The following SLC39A12 variants were observed in gnomAD, a reference collection of about 807,000 sequenced individuals.
SLC39A12 encodes solute carrier family 39 member 12.
Under a neutral mutation model 71.1 loss-of-function variants are expected in SLC39A12, and 63 were observed. That is an observed-to-expected ratio of 0.89 (90% CI 0.72 to 1.09). The LOEUF (loss-of-function observed/expected upper bound fraction) is 1.09. SLC39A12 is among the 50% of genes least tolerant of loss of function. The pLI is 0.00. For synonymous variants in SLC39A12, 351 were observed against 301.3 expected (o/e 1.16, Z -1.71); for missense variants, 892 against 812.6 (o/e 1.10, Z -1.19).
intron 2 of SLC39A12, among the ~76,000 whole-genome samples, chr10:17,959,848 G>A (rs1254522807): frequency 6.6e-6 from 1 of 152,144 alleles, no homozygotes; most frequent in African/African-American, 2.4e-5. Flanking sequence ...AAACAAATAA[G>A]GCAGCACAGT....
At chr10:17,952,351 T>C (rs1554847208) in intron 1 of SLC39A12, among the ~76,000 whole-genome samples, 1 of 152,188 alleles carries the variant, frequency 6.6e-6, no homozygotes, top group African/African-American at 2.4e-5. Context: ...GTCTCGAAAT[T>C]CTGTTTTTCT....
At chr10:17,988,856 C>T (rs1314681376) in intron 7 of SLC39A12, among the ~76,000 whole-genome samples, 1 of 152,220 alleles carries the variant, frequency 6.6e-6, no homozygotes, top group African/African-American at 2.4e-5. Flanking sequence ...TCCCTTTCAC[C>T]CCTAAGGTTG....
At chr10:18,005,672 C>T (rs1351486845) in intron 12 of SLC39A12, 1 of 152,152 alleles carries the variant, frequency 6.6e-6, no homozygotes, top group Non-Finnish European at 1.5e-5. Flanking sequence ...CATGCAGAAC[C>T]CTAAGCTAAG....
intron 12 of SLC39A12, among the ~76,000 whole-genome samples, chr10:18,009,937 A>G (rs1199375507): frequency 2.0e-5 from 3 of 152,236 alleles, no homozygotes; most frequent in Non-Finnish European, 4.4e-5. Flanking sequence ...CTTCAAGAAC[A>G]TGAATTGGGT....
At chr10:18,008,540 T>G (rs959780451) in intron 12 of SLC39A12, 1 of 152,154 alleles carries the variant, frequency 6.6e-6, no homozygotes, top group Admixed American at 6.6e-5. Context: ...CCTGAAACTA[T>G]CACCCTCACC....
intron 12 of SLC39A12, among the ~76,000 whole-genome samples, chr10:18,011,714 A>C (rs574102588): frequency 4.2e-4 from 64 of 152,364 alleles, no homozygotes; most frequent in African/African-American, 1.5e-3. Flanking sequence ...AGAATTGTTA[A>C]ATACAAGTTT....
At chr10:18,039,655 G>A (rs750780119) in intron 12 of SLC39A12, among the ~76,000 whole-genome samples, 1 of 152,102 alleles carries the variant, frequency 6.6e-6, no homozygotes, top group Non-Finnish European at 1.5e-5. Context: ...TTGAGCCCAG[G>A]AGTTCACGGC....
intron 4 of SLC39A12, among the ~76,000 whole-genome samples, chr10:17,968,033 C>G (rs998003844): frequency 6.6e-6 from 1 of 150,992 alleles, no homozygotes; most frequent in Non-Finnish European, 1.5e-5. Flanking sequence ...TTTCATCTAT[C>G]TTCTAGCTGA....
chr10:18,037,190 G>T (rs1837076836), intron 12 of SLC39A12, among the ~76,000 whole-genome samples: 1 of 151,948 alleles, frequency 6.6e-6, no homozygotes, highest in African/African-American at 2.4e-5. Context: ...TTTTCTGTTG[G>T]TGTGTTTGCT....
At position 17,961,652 on chromosome 10, in the gene SLC39A12, C is replaced by A; in HGVS notation, c.333C>A (p.Val111=). Residue 111 remains valine, a synonymous_variant, in exon 3 of 13, where the codon GTC becomes GTA. Transcript: ENST00000377369. ...AAGATCAGCTTAGAGAAGAAGTGGT[C>A]CAGAGAGTTTCTCTTCTCCTTCTCT... The part of the protein sequence containing the change: ...NFEDQLREEV[V]QRVSLLLLYY... The A allele has an allele frequency of 6.2e-7, 1 of 1,613,884 alleles. No homozygotes were observed. Among genetic ancestry groups the A allele is most frequent in the South Asian group, 1.1e-5 (1 of 91,054 alleles).
chr10:17,979,655 G>A (rs897920813), intron 5 of SLC39A12, among the ~76,000 whole-genome samples: 1 of 152,150 alleles, frequency 6.6e-6, no homozygotes, highest in African/African-American at 2.4e-5. Context: ...AGCTTTCTGT[G>A]GATGCTTTCT....
At chr10:17,955,195 A>G (rs1834509939) in intron 2 of SLC39A12, among the ~76,000 whole-genome samples, 1 of 152,136 alleles carries the variant, frequency 6.6e-6, no homozygotes, top group Non-Finnish European at 1.5e-5. Flanking sequence ...CTCCATTTTC[A>G]GGGCTGGGGG....
chr10:17,981,273 T>C (rs1343823198), intron 5 of SLC39A12, 39 bp from the exon 6 acceptor site: 21 of 1,538,552 alleles, frequency 1.4e-5, no homozygotes, highest in Non-Finnish European at 1.8e-5. Context: ...AGTTTAAATA[T>C]GCTGAGATTA....
chr10:17,974,883 A>T (rs1468249577), intron 4 of SLC39A12, among the ~76,000 whole-genome samples: 1 of 152,194 alleles, frequency 6.6e-6, no homozygotes, highest in East Asian at 1.9e-4. Context: ...GCAGGTCCAG[A>T]GGTGCCATAC....
At chr10:18,036,786 A>ATTTTTTTTTTTTTT (rs1407183255) in intron 12 of SLC39A12, among the ~76,000 whole-genome samples, 5 of 9,454 alleles carry the variant, frequency 5.3e-4, no homozygotes, top group South Asian at 2.1e-3. Context: ...ATATATATAT[A>ATTTTTTTTTTTTTT]TATATATATT....
intron 5 of SLC39A12, among the ~76,000 whole-genome samples, chr10:17,979,583 C>G (rs1387582044): frequency 1.3e-5 from 2 of 151,670 alleles, no homozygotes; most frequent in Non-Finnish European, 2.9e-5. Context: ...ACAAGTGGTG[C>G]AAAAGAGAAT....
At chr10:18,028,735 T>A (rs1234468566) in intron 12 of SLC39A12, among the ~76,000 whole-genome samples, 2 of 152,196 alleles carry the variant, frequency 1.3e-5, no homozygotes, top group Non-Finnish European at 2.9e-5. Flanking sequence ...TTTCTTTTTT[T>A]TTGAGATGGA....
Position 18,003,434 on chromosome 10 carries a change from G to T in SLC39A12, c.1947+76G>T, listed in dbSNP as rs369874941. The stretch of plus-strand genomic sequence containing the variant: ...AACAGAGAAAAAAAACAGTAAAAAT[G>T]GAAGGATAAATGAGTAGAACAGAAG... On this transcript the variant is annotated intron_variant, in intron 12 of 12. Transcript: ENST00000377369. The T allele has an allele frequency of 6.0e-6, 8 of 1,332,062 alleles. No individual in the cohort carries two copies. In the East Asian group the frequency reaches 1.6e-4, roughly 27 times the overall value. The allele number at this position is 1,332,062 out of a possible 1,614,324, so 82.5% of individuals were successfully genotyped here. A position where few individuals can be genotyped will look rare whatever the true frequency, so the allele number is the denominator to read the frequency against.
At chr10:18,022,726 G>T (rs374977934) in intron 12 of SLC39A12, among the ~76,000 whole-genome samples, 3 of 152,088 alleles carry the variant, frequency 2.0e-5, no homozygotes, top group Admixed American at 6.5e-5. Context: ...GAGTTGCCAG[G>T]GTTCTTGTGC....
Sources: allele counts gnomAD v4.1 joint callset (sites outside exome capture counted in the v4.1 genomes callset), GRCh38; gene constraint gnomAD v4.1.1; transcripts MANE v1.5; gene names NCBI Gene and HGNC (gene_info 2026-07-23, HGNC 2026-07-21).